The following DOCK3 variants were observed in gnomAD, a reference collection of about 807,000 sequenced individuals.
DOCK3 encodes the protein dedicator of cytokinesis protein 3.
DOCK3 carries 60 observed loss-of-function variants against 265.6 expected under a neutral mutation model. The observed-to-expected ratio is 0.23, with a 90% CI of 0.18 to 0.28. DOCK3 has a LOEUF of 0.28. Ranked by LOEUF, DOCK3 falls within the 10% of genes least tolerant of loss-of-function variation. The pLI, the probability that DOCK3 is intolerant of heterozygous loss-of-function variation, is 1.00. For synonymous variants in DOCK3, 881 were observed against 938.0 expected (o/e 0.94, Z 1.11); for missense variants, 1,981 against 2,594.3 (o/e 0.76, Z 5.14).
chr3:51,358,119 G>C (rs1181109426), intron 46 of DOCK3, 42 bp downstream of exon 46: 3 of 1,593,572 alleles, frequency 1.9e-6, no homozygotes, highest in African/African-American at 1.3e-5. Flanking sequence ...GTAGAACCAG[G>C]TGTCACTTCC....
At chr3:51,312,116 A>G in intron 29 of DOCK3, 37 bp downstream of exon 29, 2 of 1,551,360 alleles carry the variant, frequency 1.3e-6, no homozygotes, top group Non-Finnish European at 1.8e-6. Flanking sequence ...TATTATTGCA[A>G]TAACCTTAGA....
chr3:51,088,920 G>C (rs2082530532), intron 7 of DOCK3, among the ~76,000 whole-genome samples: 1 of 152,220 alleles, frequency 6.6e-6, no homozygotes, highest in South Asian at 2.1e-4. Context: ...AAGTGGTACA[G>C]TATATGGAGA....
intron 28 of DOCK3, 50 bp downstream of exon 28, chr3:51,310,376 A>C: frequency 1.4e-6 from 2 of 1,463,722 alleles, no homozygotes; most frequent in Non-Finnish European, 1.9e-6. Flanking sequence ...TTCTCAGACT[A>C]AGAAGAGTAT....
chr3:51,270,775 C>T (rs754880407), intron 23 of DOCK3, 40 bp from the exon 24 acceptor site: 2 of 1,581,144 alleles, frequency 1.3e-6, no homozygotes, highest in Admixed American at 1.7e-5. Flanking sequence ...AGACACACAC[C>T]CTAACTCTGT....
intron 26 of DOCK3, chr3:51,278,092 T>G (rs2080911252): frequency 1.0e-6 from 1 of 984,732 alleles, no homozygotes; most frequent in South Asian, 4.7e-5. Context: ...AACAGACTAT[T>G]TCTTCTAGGA....
In DOCK3 at chr3:51,122,564, A is replaced by G. The variant is rs1234363813; in HGVS notation, c.747-23985A>G. On this transcript the variant is annotated intron_variant, in intron 9 of 52. Transcript: ENST00000266037. The stretch of plus-strand genomic sequence containing the variant: ...TAGTTCGTCTTGGATTTTTGCATTG[A>G]AACATATTTTTACTTCCATTGAGAA... Among the ~76,000 whole-genome samples, 3 of 152,258 alleles carry G rather than the reference A, an allele frequency of 2.0e-5. No homozygotes were observed. The East Asian group carries it at 5.8e-4, about 29-fold the overall frequency.
intron 3 of DOCK3, among the ~76,000 whole-genome samples, chr3:50,875,246 G>A (rs1318867806): frequency 6.6e-6 from 1 of 152,116 alleles, no homozygotes; most frequent in Non-Finnish European, 1.5e-5. Flanking sequence ...CTGCAAACAA[G>A]GATAATTTGG....
At chr3:51,082,379 A>G (rs2082273269) in intron 7 of DOCK3, among the ~76,000 whole-genome samples, 1 of 152,064 alleles carries the variant, frequency 6.6e-6, no homozygotes, top group South Asian at 2.1e-4. Context: ...TACATACTGG[A>G]CCCAGCATTG....
chr3:51,361,612 A>G lies in DOCK3; in HGVS notation c.5007-247A>G, dbSNP rs535640978. Among the ~76,000 whole-genome samples the G allele has an allele frequency of 6.6e-6, 1 of 152,272 alleles. No homozygotes were observed. The highest frequency in any genetic ancestry group is 1.5e-5 in the Non-Finnish European group (1 of 68,000). ...TCATGCAACTGAGTGGCCATAAGCC[A>G]TGTAGCTGTAGGTAGAGGCTTGTCC... On this transcript the variant is annotated intron_variant, in intron 47 of 52. Coordinates refer to ENST00000266037, the MANE Select transcript of DOCK3 (RefSeq NM_004947.5). This position sits in a 1 kb window ranked among gnomAD's most constrained non-coding sequence, Gnocchi z 4.2.
intron 1 of DOCK3, among the ~76,000 whole-genome samples, chr3:50,732,189 A>C (rs920541586): frequency 6.6e-6 from 1 of 152,122 alleles, no homozygotes; most frequent in Non-Finnish European, 1.5e-5. Flanking sequence ...TCTCACTTAT[A>C]AGTGGGAGCT....
intron 3 of DOCK3, among the ~76,000 whole-genome samples, chr3:50,886,950 G>T (rs560332328): frequency 6.5e-4 from 99 of 152,122 alleles, no homozygotes; most frequent in African/African-American, 2.3e-3. Flanking sequence ...ACAATTAAAA[G>T]AACTAGAAAA....
intron 4 of DOCK3, 134 bp downstream of exon 4, chr3:50,890,215 G>A: frequency 1.7e-6 from 1 of 597,306 alleles, no homozygotes. Context: ...GCTTTATCAT[G>A]TAATTTTGAG....
At chr3:51,172,067 C>A (rs1211005273) in intron 12 of DOCK3, among the ~76,000 whole-genome samples, 1 of 152,156 alleles carries the variant, frequency 6.6e-6, no homozygotes, top group African/African-American at 2.4e-5. Flanking sequence ...CACTCTTTAT[C>A]ATTACAGAGA....
chr3:51,311,880 C>G (rs2083083118), intron 28 of DOCK3, 124 bp from the exon 29 acceptor site: 2 of 630,942 alleles, frequency 3.2e-6, no homozygotes, highest in South Asian at 5.4e-5. Flanking sequence ...TTTATAGTCA[C>G]ATCTTACATG....
intron 7 of DOCK3, among the ~76,000 whole-genome samples, chr3:51,081,411 A>ATAAC (rs1432180774): frequency 6.6e-6 from 1 of 152,182 alleles, no homozygotes; most frequent in Non-Finnish European, 1.5e-5. Context: ...ACTTTCTATA[A>ATAAC]TAACTAATTA....
At chr3:51,162,888 A>G (rs535136553) in intron 12 of DOCK3, among the ~76,000 whole-genome samples, 8 of 152,168 alleles carry the variant, frequency 5.3e-5, no homozygotes, top group Non-Finnish European at 7.4e-5. Context: ...TTTTTTTTCA[A>G]ATTTTCTTTT....
chr3:50,955,387 A>G (rs1265729610), intron 5 of DOCK3, among the ~76,000 whole-genome samples: 1 of 152,184 alleles, frequency 6.6e-6, no homozygotes, highest in Non-Finnish European at 1.5e-5. Flanking sequence ...ATGCACACAA[A>G]TGTTCATTGC....
intron 37 of DOCK3, 59 bp downstream of exon 37, chr3:51,339,087 A>G (rs2085067405): frequency 1.4e-6 from 2 of 1,401,060 alleles, no homozygotes; most frequent in Non-Finnish European, 1.9e-6. Context: ...AGGGATTTGT[A>G]CAATAGGCAG....
chr3:51,206,465 A>T (rs2089214764), intron 12 of DOCK3, among the ~76,000 whole-genome samples: 2 of 152,280 alleles, frequency 1.3e-5, no homozygotes, highest in South Asian at 4.1e-4. Context: ...ACCCAAAAGA[A>T]GTAGTGGTCA....
Sources: gnomAD v4.1 joint callset for allele counts (sites outside exome capture counted in the v4.1 genomes callset) on GRCh38, gnomAD v4.1.1 for gene constraint, Gnocchi (gnomAD v3.1) non-coding constraint, MANE v1.5 for transcripts, NCBI Gene and HGNC (gene_info 2026-07-23, HGNC 2026-07-21) for gene names.